MAML2: variants seen among roughly 807,000 people sequenced by gnomAD.
MAML2 encodes the protein mastermind like transcriptional coactivator 2.
Under a neutral mutation model 96.1 loss-of-function variants are expected in MAML2, and 22 were observed. That is an observed-to-expected ratio of 0.23 (90% CI 0.16 to 0.33). The LOEUF is 0.33. Among genes scored for constraint, MAML2 ranks in the 10% least tolerant of loss-of-function variants. The probability of loss-of-function intolerance (pLI) is 1.00; values close to 1 mark genes in which losing one functional copy is unlikely to be tolerated. For missense variants in MAML2, 1,367 were observed against 1,392.4 expected (o/e 0.98, Z 0.29); for synonymous variants, 561 against 521.3 (o/e 1.08, Z -1.04).
chr11:96,217,818 A>G (rs1210878955), intron 1 of MAML2, among the ~76,000 whole-genome samples: 3 of 152,218 alleles, frequency 2.0e-5, no homozygotes, highest in African/African-American at 7.2e-5. Context: ...TTCATCCTTA[A>G]AAGTATTAAC....
intron 1 of MAML2, among the ~76,000 whole-genome samples, chr11:96,306,291 G>A (rs1863460969): frequency 6.6e-6 from 1 of 152,112 alleles, no homozygotes; most frequent in Non-Finnish European, 1.5e-5. Flanking sequence ...AGAGTTCCCT[G>A]GAATGGATCA....
chr11:96,138,147 T>C (rs1860667400), intron 1 of MAML2, among the ~76,000 whole-genome samples: 1 of 152,212 alleles, frequency 6.6e-6, no homozygotes, highest in Non-Finnish European at 1.5e-5. Context: ...ATCCTCCTTT[T>C]GTAATCAAAG....
intron 1 of MAML2, among the ~76,000 whole-genome samples, chr11:96,295,975 C>T (rs1591119160): frequency 6.6e-6 from 1 of 151,132 alleles, no homozygotes; most frequent in East Asian, 1.9e-4. Flanking sequence ...CACACACACA[C>T]ACACGAAACT....
At chr11:96,051,361 TG>T (rs1381891908) in intron 2 of MAML2, among the ~76,000 whole-genome samples, 1 of 152,208 alleles carries the variant, frequency 6.6e-6, no homozygotes, top group African/African-American at 2.4e-5. Context: ...CCAGATACTT[TG>T]TTAAACCCTT....
At chr11:96,322,256 G>A (rs1326979941) in intron 1 of MAML2, among the ~76,000 whole-genome samples, 1 of 152,172 alleles carries the variant, frequency 6.6e-6, no homozygotes, top group African/African-American at 2.4e-5. Context: ...TTTGGAGTTA[G>A]AGGTCAAGGT....
chr11:96,134,379 AT>A (rs919458428), intron 1 of MAML2, among the ~76,000 whole-genome samples: 3 of 152,168 alleles, frequency 2.0e-5, no homozygotes, highest in Non-Finnish European at 4.4e-5. Context: ...CACATAATAC[AT>A]TTTTGATGCA....
intron 1 of MAML2, among the ~76,000 whole-genome samples, chr11:96,306,917 T>A (rs1863471927): frequency 6.6e-6 from 1 of 152,214 alleles, no homozygotes; most frequent in Non-Finnish European, 1.5e-5. Flanking sequence ...ACCCAGAGAC[T>A]ACCAAAATGT....
chr11:96,315,423 G>A (rs1863616318), intron 1 of MAML2, among the ~76,000 whole-genome samples: 1 of 152,178 alleles, frequency 6.6e-6, no homozygotes, highest in Admixed American at 6.5e-5. Context: ...CTCTTGGGCT[G>A]ATTTTCCTAT....
intron 1 of MAML2, among the ~76,000 whole-genome samples, chr11:96,325,105 C>T (rs1004685219): frequency 1.3e-5 from 2 of 152,098 alleles, no homozygotes; most frequent in Admixed American, 6.6e-5. Context: ...GATTGCCATT[C>T]TTTCTAGGGG....
At chr11:96,127,491 C>T (rs1341326211) in intron 1 of MAML2, among the ~76,000 whole-genome samples, 1 of 152,094 alleles carries the variant, frequency 6.6e-6, no homozygotes, top group African/African-American at 2.4e-5. Context: ...TTTCCATCAG[C>T]GCCAAATAAT....
intron 1 of MAML2, among the ~76,000 whole-genome samples, chr11:96,156,077 C>A (rs1411423060): frequency 6.6e-6 from 1 of 152,188 alleles, no homozygotes; most frequent in Non-Finnish European, 1.5e-5. Flanking sequence ...CTCTGCCTGT[C>A]TGCAGACAGG....
At chr11:96,127,834 TC>T (rs1418743803) in intron 1 of MAML2, among the ~76,000 whole-genome samples, 1 of 152,206 alleles carries the variant, frequency 6.6e-6, no homozygotes, top group Non-Finnish European at 1.5e-5. Context: ...CCTGCTGACT[TC>T]CCATCCTAGT....
intron 1 of MAML2, among the ~76,000 whole-genome samples, chr11:96,257,106 G>C (rs1375998831): frequency 6.6e-6 from 1 of 152,216 alleles, no homozygotes; most frequent in Non-Finnish European, 1.5e-5. Flanking sequence ...TCAGCATTTT[G>C]AGAGGTTTTT....
rs183998045 is a variant in MAML2, at chr11:96,006,425, T to C, written c.2140-14702A>G. 6.4e-3 allele frequency among the ~76,000 whole-genome samples: 976 copies of C among 152,344 alleles called. 5 individuals are homozygous for C. The highest frequency in any genetic ancestry group is 1.0e-2 in the Non-Finnish European group (678 of 68,030). On this transcript the variant is annotated intron_variant, in intron 2 of 4. Transcript: ENST00000524717. ...CAACTTTTTTTTGGTCTGATTATTT[T>C]GTCTGTCTACATTGATCAAATAAGC...
At chr11:96,328,915 T>C (rs1863819844) in intron 1 of MAML2, among the ~76,000 whole-genome samples, 1 of 152,138 alleles carries the variant, frequency 6.6e-6, no homozygotes, top group South Asian at 2.1e-4. Flanking sequence ...AGCAGACACA[T>C]ATTTAAAAAA....
intron 1 of MAML2, among the ~76,000 whole-genome samples, chr11:96,235,547 T>C (rs1404574022): frequency 1.3e-5 from 2 of 152,222 alleles, no homozygotes; most frequent in East Asian, 1.9e-4. Flanking sequence ...TCTATGTGAC[T>C]TTGGGCCAGT....
intron 1 of MAML2, among the ~76,000 whole-genome samples, chr11:96,245,462 T>C (rs1364541989): frequency 6.6e-6 from 1 of 152,266 alleles, no homozygotes; most frequent in Non-Finnish European, 1.5e-5. Context: ...AGGCCTCAAA[T>C]TGAAATAATC....
chr11:96,112,819 G>C (rs1489344230), intron 1 of MAML2, among the ~76,000 whole-genome samples: 1 of 152,174 alleles, frequency 6.6e-6, no homozygotes, highest in Non-Finnish European at 1.5e-5. Context: ...AAGGAACATA[G>C]GTGGCTTAAT....
chr11:95,983,987 C>T (rs551949475), intron 4 of MAML2, among the ~76,000 whole-genome samples: 1 of 152,292 alleles, frequency 6.6e-6, no homozygotes, highest in African/African-American at 2.4e-5. Flanking sequence ...TTTGCATTCA[C>T]ACGCCACTCA....
Sources: gnomAD v4.1 joint callset for allele counts (sites outside exome capture counted in the v4.1 genomes callset) on GRCh38, gnomAD v4.1.1 for gene constraint, MANE v1.5 for transcripts, NCBI Gene and HGNC (gene_info 2026-07-23, HGNC 2026-07-21) for gene names.